GALNTL6: variants seen among roughly 807,000 people sequenced by gnomAD.
The protein encoded by GALNTL6 is polypeptide N-acetylgalactosaminyltransferase like 6.
In GALNTL6, 46 loss-of-function variants were observed where a neutral mutation model predicts 73.7. The observed-to-expected ratio is 0.62, with a 90% confidence interval of 0.49 to 0.80. The LOEUF is 0.80. Ranked by LOEUF, GALNTL6 falls within the 30% of genes least tolerant of loss-of-function variation. The pLI is 0.00. For synonymous variants in GALNTL6, 259 were observed against 263.7 expected (o/e 0.98, Z 0.17); for missense variants, 604 against 755.0 (o/e 0.80, Z 2.34).
intron 5 of GALNTL6, among the ~76,000 whole-genome samples, chr4:172,617,643 A>T (rs1174319587): frequency 5.6e-5 from 8 of 143,222 alleles, no homozygotes; most frequent in Admixed American, 4.2e-4. Context: ...CGCCCAGCTA[A>T]TTTTTTTTTT....
At chr4:172,211,900 C>G (rs1029349497) in intron 2 of GALNTL6, among the ~76,000 whole-genome samples, 2 of 152,100 alleles carry the variant, frequency 1.3e-5, no homozygotes, top group Non-Finnish European at 2.9e-5. Context: ...TAATCATTCC[C>G]CAAAGGCCCC....
intron 5 of GALNTL6, among the ~76,000 whole-genome samples, chr4:172,578,734 A>G (rs1185924601): frequency 6.6e-6 from 1 of 152,230 alleles, no homozygotes; most frequent in Non-Finnish European, 1.5e-5. Flanking sequence ...GTTAAATCTC[A>G]TTGTAAACCA....
chr4:172,658,422 G>T (rs1406872153), intron 5 of GALNTL6, among the ~76,000 whole-genome samples: 1 of 138,892 alleles, frequency 7.2e-6, no homozygotes, highest in Non-Finnish European at 1.5e-5. Context: ...AGCCGAGATC[G>T]CACCACTGCA....
intron 5 of GALNTL6, among the ~76,000 whole-genome samples, chr4:172,683,286 A>G (rs1732731207): frequency 6.6e-6 from 1 of 152,226 alleles, no homozygotes; most frequent in Non-Finnish European, 1.5e-5. Flanking sequence ...AGAAGCAGGC[A>G]AAGCCTCAGA....
intron 5 of GALNTL6, among the ~76,000 whole-genome samples, chr4:172,755,370 A>G (rs149220725): frequency 1.4e-4 from 21 of 152,272 alleles, no homozygotes; most frequent in African/African-American, 4.8e-4. Flanking sequence ...ACTCAATCAA[A>G]GTTTTTTGAG....
At chr4:172,352,905 C>CA (rs1391089638) in intron 5 of GALNTL6, among the ~76,000 whole-genome samples, 1 of 151,992 alleles carries the variant, frequency 6.6e-6, no homozygotes, top group Non-Finnish European at 1.5e-5. Flanking sequence ...GAAGGAAAAA[C>CA]AGACTTGAAA....
intron 5 of GALNTL6, among the ~76,000 whole-genome samples, chr4:172,494,207 T>G (rs1190050271): frequency 6.6e-6 from 1 of 152,194 alleles, no homozygotes; most frequent in Non-Finnish European, 1.5e-5. Flanking sequence ...ACAAAGCTCT[T>G]GAAATAAGAG....
At chr4:172,337,142 C>CT (rs1194574564) in intron 4 of GALNTL6, among the ~76,000 whole-genome samples, 1 of 152,026 alleles carries the variant, frequency 6.6e-6, no homozygotes, top group African/African-American at 2.4e-5. Context: ...CAACCTTTCA[C>CT]TTTAAGCTTA....
At chr4:172,769,383 C>G (rs1738628582) in intron 5 of GALNTL6, among the ~76,000 whole-genome samples, 2 of 152,130 alleles carry the variant, frequency 1.3e-5, no homozygotes, top group Admixed American at 1.3e-4. Flanking sequence ...ATCAAGAGGA[C>G]TTGGCAATTG....
chr4:172,184,078 C>T (rs1375411317), intron 2 of GALNTL6, among the ~76,000 whole-genome samples: 1 of 152,188 alleles, frequency 6.6e-6, no homozygotes, highest in Non-Finnish European at 1.5e-5. Context: ...GCATGAGCCA[C>T]CGCATCCGGC....
intron 9 of GALNTL6, among the ~76,000 whole-genome samples, chr4:172,949,947 AAAAG>A (rs941665271): frequency 2.0e-5 from 3 of 152,098 alleles, no homozygotes; most frequent in African/African-American, 7.2e-5. Flanking sequence ...AGAAAAAGAA[AAAAG>A]AAAGAAAGAA....
At chr4:171,819,494 A>G (rs535420424) in intron 2 of GALNTL6, among the ~76,000 whole-genome samples, 9 of 152,300 alleles carry the variant, frequency 5.9e-5, no homozygotes, top group Non-Finnish European at 1.3e-4. Context: ...TTTTCCCTGC[A>G]AAAGGAGCCA....
At chr4:171,903,014 G>A (rs1405261191) in intron 2 of GALNTL6, among the ~76,000 whole-genome samples, 1 of 152,104 alleles carries the variant, frequency 6.6e-6, no homozygotes. Context: ...AGCTATTCAT[G>A]CAGTCAAAGA....
At chr4:172,264,555 A>AATATATATATATATATATAT (rs201920170) in intron 3 of GALNTL6, among the ~76,000 whole-genome samples, 20 of 103,748 alleles carry the variant, frequency 1.9e-4, no homozygotes, top group South Asian at 3.6e-4. Context: ...ATATATGCCA[A>AATATATATATATATATATAT]ATATATATAT....
chr4:172,428,232 C>A (rs540149517), intron 5 of GALNTL6, among the ~76,000 whole-genome samples: 1 of 152,068 alleles, frequency 6.6e-6, no homozygotes, highest in South Asian at 2.1e-4. Context: ...TTCCTAAATA[C>A]CTTTTAGGTA....
intron 2 of GALNTL6, among the ~76,000 whole-genome samples, chr4:172,082,781 G>T (rs1301094208): frequency 6.6e-6 from 1 of 152,142 alleles, no homozygotes; most frequent in Non-Finnish European, 1.5e-5. Context: ...CAATGAACCT[G>T]GACTAGGTTG....
At position 172,672,608 on chromosome 4, in the gene GALNTL6, C is replaced by T. The variant is rs1402613757; in HGVS notation, c.554-136753C>T. Reference sequence around the variant, plus strand: ...GAAATGGTATCAGCTCTTCTTTGTACATCTGGTGGCATTCAGCTGTGAATC... The same window carrying T: ...GAAATGGTATCAGCTCTTCTTTGTATATCTGGTGGCATTCAGCTGTGAATC... On this transcript the variant is annotated intron_variant, in intron 5 of 12. Coordinates refer to ENST00000506823, the MANE Select transcript of GALNTL6 (RefSeq NM_001034845.3). Among the ~76,000 whole-genome samples, 6 of 152,164 alleles carry T rather than the reference C, an allele frequency of 3.9e-5. No homozygotes were observed. In the East Asian group the frequency reaches 5.8e-4, roughly 15 times the overall value.
chr4:172,396,613 A>T (rs1743857646), intron 5 of GALNTL6, among the ~76,000 whole-genome samples: 1 of 152,166 alleles, frequency 6.6e-6, no homozygotes, highest in African/African-American at 2.4e-5. Flanking sequence ...TCACCTGTAC[A>T]GTTATGTTTG....
intron 4 of GALNTL6, among the ~76,000 whole-genome samples, chr4:172,324,911 C>G (rs570310180): frequency 6.6e-6 from 1 of 150,988 alleles, no homozygotes; most frequent in Admixed American, 6.6e-5. Context: ...TGTTAATATG[C>G]TTTACATATA....
Sources: gnomAD v4.1 joint callset for allele counts (sites outside exome capture counted in the v4.1 genomes callset) on GRCh38, gnomAD v4.1.1 for gene constraint, MANE v1.5 for transcripts, NCBI Gene and HGNC (gene_info 2026-07-23, HGNC 2026-07-21) for gene names.